The following RAP1GAP2 variants were observed in gnomAD, a reference collection of about 807,000 sequenced individuals.
The protein encoded by RAP1GAP2 is RAP1 GTPase activating protein 2.
A neutral mutation model predicts 95.0 loss-of-function variants in RAP1GAP2; 27 were observed. That is an observed-to-expected ratio of 0.28 (90% CI 0.21 to 0.39). RAP1GAP2 has a LOEUF of 0.39. Among genes scored for constraint, RAP1GAP2 ranks in the 10% least tolerant of loss-of-function variants. The probability of loss-of-function intolerance (pLI) is 1.00; values close to 1 mark genes in which losing one functional copy is unlikely to be tolerated. For missense variants in RAP1GAP2, 771 were observed against 970.0 expected (o/e 0.79, Z 2.72); for synonymous variants, 373 against 380.9 (o/e 0.98, Z 0.24).
At chr17:2,773,789 C>T (rs1305946283), upstream of RAP1GAP2, among the ~76,000 whole-genome samples, 1 of 151,472 alleles carries the variant, frequency 6.6e-6, no homozygotes, top group Non-Finnish European at 1.5e-5. Flanking sequence ...GACAGTTTCA[C>T]TCTTGTCGCC....
At chr17:2,890,580 CT>C (rs1567747605) in intron 2 of RAP1GAP2, among the ~76,000 whole-genome samples, 1 of 151,946 alleles carries the variant, frequency 6.6e-6, no homozygotes, top group Admixed American at 6.6e-5. Context: ...GGCTCCTTTT[CT>C]TCTTGGGCTT....
chr17:2,914,036 A>T (rs1051179002), intron 3 of RAP1GAP2, among the ~76,000 whole-genome samples: 1 of 151,888 alleles, frequency 6.6e-6, no homozygotes, highest in East Asian at 1.9e-4. Context: ...ACTCCCGGCT[A>T]AGTTTTTTGT....
At chr17:2,947,654 A>C (rs1485946540) in intron 3 of RAP1GAP2, among the ~76,000 whole-genome samples, 2 of 152,154 alleles carry the variant, frequency 1.3e-5, no homozygotes, top group Non-Finnish European at 2.9e-5. Context: ...TTCTGCAGCC[A>C]GCCTGGTGGC....
chr17:2,985,109 C>T (rs2045509584), intron 11 of RAP1GAP2, 43 bp downstream of exon 11: 2 of 1,611,530 alleles, frequency 1.2e-6, no homozygotes, highest in Admixed American at 1.7e-5. Flanking sequence ...CCCGTGGTTT[C>T]TCACTTAGGA....
chr17:2,759,928 G>A (rs528671201), intron 1 of RAP1GAP2, among the ~76,000 whole-genome samples: 22 of 152,028 alleles, frequency 1.4e-4, no homozygotes, highest in Non-Finnish European at 3.2e-4. Flanking sequence ...AAAAACATTT[G>A]CATATTGAAA....
chr17:2,794,423 G>T (rs1247854351), upstream of RAP1GAP2, among the ~76,000 whole-genome samples: 2 of 152,206 alleles, frequency 1.3e-5, no homozygotes, highest in Non-Finnish European at 2.9e-5. Context: ...CTGGGTGTGG[G>T]TGGGTGCCTC....
At chr17:2,792,850 C>A (rs1378969130), upstream of RAP1GAP2, among the ~76,000 whole-genome samples, 1 of 152,224 alleles carries the variant, frequency 6.6e-6, no homozygotes, top group Non-Finnish European at 1.5e-5. Context: ...TGTGCCTGGG[C>A]CGGAGTCTGT....
intron 2 of RAP1GAP2, among the ~76,000 whole-genome samples, chr17:2,878,002 G>A (rs563841228): frequency 9.9e-5 from 15 of 152,180 alleles, no homozygotes; most frequent in East Asian, 3.9e-4. Context: ...GCTGAGAGAC[G>A]TGTAGGAGGC....
intron 1 of RAP1GAP2, among the ~76,000 whole-genome samples, chr17:2,784,657 G>A (rs377502651): frequency 6.6e-6 from 1 of 152,178 alleles, no homozygotes; most frequent in Non-Finnish European, 1.5e-5. Context: ...CCAGATCCCC[G>A]CCTACTCTCA....
In RAP1GAP2 at chr17:3,005,164, AGGCTGCGGAT is replaced by A. The variant is rs1318494188; in HGVS notation, c.1201-201_1201-192del. Among the ~76,000 whole-genome samples the A allele has an allele frequency of 6.6e-6, 1 of 152,156 alleles. No homozygotes were observed. The highest frequency in any genetic ancestry group is 1.5e-5 in the Non-Finnish European group (1 of 68,036). Reference sequence around the variant, plus strand: ...TCTGGCCTCCAGGAATGCAGATGAGAGGCTGCGGATGGCCCCACACCGTCCGGCCCCACTT... The same window carrying A: ...TCTGGCCTCCAGGAATGCAGATGAGAGGCCCCACACCGTCCGGCCCCACTT... On this transcript the variant is annotated intron_variant, in intron 14 of 24. Coordinates refer to ENST00000254695, the MANE Select transcript of RAP1GAP2 (RefSeq NM_015085.5). This position sits in a 1 kb window ranked among gnomAD's most constrained non-coding sequence, Gnocchi z 5.2.
chr17:2,778,329 A>G (rs937568846), intron 1 of RAP1GAP2, among the ~76,000 whole-genome samples: 1 of 151,966 alleles, frequency 6.6e-6, no homozygotes, highest in African/African-American at 2.4e-5. Context: ...CGGGAGCTGA[A>G]GTGCTACAGC....
intron 2 of RAP1GAP2, among the ~76,000 whole-genome samples, chr17:2,830,587 G>C (rs565284887): frequency 2.0e-5 from 3 of 151,816 alleles, no homozygotes; most frequent in Admixed American, 6.6e-5. Flanking sequence ...GGTGGCGGGC[G>C]CCTGTAGTCC....
At position 2,789,482 on chromosome 17, in the gene RAP1GAP2, C is replaced by T. The variant is rs1393338856; in HGVS notation, c.-13-11033C>T. ...GGCTAAAACTCTCTTGGCAGATGGA[C>T]CTTACTGAACAGATAAGAATAAACT... is the stretch of plus-strand genomic sequence containing the variant. On this transcript the variant is annotated intron_variant, in intron 1 of 24. Transcript: ENST00000540393. 2.0e-5 allele frequency among the ~76,000 whole-genome samples: 3 copies of T among 151,820 alleles called. No individual in the cohort carries two copies. In the East Asian group the frequency reaches 5.8e-4, roughly 29 times the overall value.
intron 2 of RAP1GAP2, among the ~76,000 whole-genome samples, chr17:2,802,462 T>A (rs577752021): frequency 1.3e-5 from 2 of 152,066 alleles, no homozygotes; most frequent in Non-Finnish European, 2.9e-5. Flanking sequence ...GTAATCCCAG[T>A]ACTTTGGGAG....
At chr17:2,783,565 G>A (rs933361311) in intron 1 of RAP1GAP2, among the ~76,000 whole-genome samples, 5 of 152,216 alleles carry the variant, frequency 3.3e-5, no homozygotes, top group African/African-American at 9.7e-5. Context: ...AGTGGCAGGA[G>A]CACAGGCTCT....
chr17:2,800,649 G>T, intron 2 of RAP1GAP2, 99 bp downstream of exon 2: 3 of 1,281,760 alleles, frequency 2.3e-6, no homozygotes, highest in Non-Finnish European at 3.3e-6. Flanking sequence ...AAGAGGGGCT[G>T]TCGTGTTTGT....
At chr17:2,787,097 C>T (rs2068800962) in intron 1 of RAP1GAP2, among the ~76,000 whole-genome samples, 2 of 151,712 alleles carry the variant, frequency 1.3e-5, no homozygotes, top group Non-Finnish European at 2.9e-5. Context: ...GTTATAGGCG[C>T]ATGCCACCAT....
upstream of RAP1GAP2, among the ~76,000 whole-genome samples, chr17:2,773,557 A>G (rs1317401443): frequency 6.6e-6 from 1 of 152,064 alleles, no homozygotes; most frequent in African/African-American, 2.4e-5. Flanking sequence ...AGGTGTGACC[A>G]GTGTGCTGGC....
intron 2 of RAP1GAP2, among the ~76,000 whole-genome samples, chr17:2,842,341 C>G (rs2071401786): frequency 6.6e-6 from 1 of 152,060 alleles, no homozygotes; most frequent in East Asian, 1.9e-4. Flanking sequence ...ACCAGCCTGG[C>G]CAACATGGTG....
Sources: gnomAD v4.1 joint callset for allele counts (sites outside exome capture counted in the v4.1 genomes callset) on GRCh38, gnomAD v4.1.1 for gene constraint, Gnocchi (gnomAD v3.1) non-coding constraint, MANE v1.5 for transcripts, NCBI Gene and HGNC (gene_info 2026-07-23, HGNC 2026-07-21) for gene names.